Variants in SAMD12 observed in about 807,000 individuals in gnomAD.
SAMD12 encodes the protein sterile alpha motif domain containing 12, also known as sterile alpha motif domain-containing protein 12.
A neutral mutation model predicts 15.0 loss-of-function variants in SAMD12; 9 were observed. That is an observed-to-expected ratio of 0.60 (90% CI 0.36 to 1.05). SAMD12 has a LOEUF of 1.05. Ranked by LOEUF, SAMD12 falls within the 50% of genes least tolerant of loss-of-function variation. The pLI, the probability that SAMD12 is intolerant of heterozygous loss-of-function variation, is 0.01. For synonymous variants in SAMD12, 86 were observed against 90.1 expected (o/e 0.96, Z 0.25); for missense variants, 230 against 234.2 (o/e 0.98, Z 0.12).
chr8:118,258,109 G>A (rs1812995600), intron 4 of SAMD12, among the ~76,000 whole-genome samples: 1 of 152,104 alleles, frequency 6.6e-6, no homozygotes, highest in African/African-American at 2.4e-5. Context: ...CCTTTGAAAG[G>A]CACAAGCATT....
intron 4 of SAMD12, among the ~76,000 whole-genome samples, chr8:118,198,178 C>A (rs1156493442): frequency 6.6e-6 from 1 of 151,946 alleles, no homozygotes; most frequent in Non-Finnish European, 1.5e-5. Flanking sequence ...GGGATGCAAT[C>A]TAGAAAAAAA....
intron 4 of SAMD12, among the ~76,000 whole-genome samples, chr8:118,344,242 A>T (rs1019160369): frequency 6.6e-6 from 1 of 152,154 alleles, no homozygotes; most frequent in South Asian, 2.1e-4. Context: ...GAAGGTTGAC[A>T]GTACAATGCT....
intron 4 of SAMD12, among the ~76,000 whole-genome samples, chr8:118,212,096 C>G (rs77701733): frequency 0.24 from 29,569 of 121,750 alleles, 3,002 homozygotes; most frequent in Non-Finnish European, 0.28. Context: ...GTGTGAACTA[C>G]TATATTTCAT....
intron 4 of SAMD12, among the ~76,000 whole-genome samples, chr8:118,236,168 C>T (rs1812425323): frequency 6.6e-6 from 1 of 152,140 alleles, no homozygotes; most frequent in African/African-American, 2.4e-5. Context: ...CTACAAATGC[C>T]ACACTGCAAC....
intron 4 of SAMD12, among the ~76,000 whole-genome samples, chr8:118,269,327 A>G (rs188277631): frequency 2.3e-4 from 35 of 151,284 alleles, no homozygotes; most frequent in African/African-American, 4.1e-4. Context: ...ATGTTTTAGA[A>G]ATCAATATCA....
At chr8:118,562,220 T>C (rs1414510836) in intron 2 of SAMD12, among the ~76,000 whole-genome samples, 4 of 152,280 alleles carry the variant, frequency 2.6e-5, no homozygotes, top group South Asian at 4.1e-4. Flanking sequence ...GTTAACATAA[T>C]TGTAGCACAT....
chr8:118,146,359 G>A, the SAMD12 span, among the ~76,000 whole-genome samples: 1 of 152,196 alleles, frequency 6.6e-6, no homozygotes, highest in East Asian at 1.9e-4. Flanking sequence ...AAGTACATGG[G>A]GGTAAAGAAC....
intron 2 of SAMD12, among the ~76,000 whole-genome samples, chr8:118,464,588 G>A (rs532876238): frequency 6.6e-6 from 1 of 152,264 alleles, no homozygotes; most frequent in East Asian, 1.9e-4. Context: ...AGTCAAGAAG[G>A]TAAAGAGAAA....
At chr8:118,176,249 C>T in the SAMD12 span, among the ~76,000 whole-genome samples, 1 of 151,814 alleles carries the variant, frequency 6.6e-6, no homozygotes, top group Non-Finnish European at 1.5e-5. Context: ...TGCAGTGAGC[C>T]GAGATCGTGC....
At chr8:118,349,051 G>A (rs1017785268) in intron 4 of SAMD12, among the ~76,000 whole-genome samples, 12 of 152,128 alleles carry the variant, frequency 7.9e-5, no homozygotes, top group Admixed American at 6.5e-5. Flanking sequence ...ATTAAACCTG[G>A]CAATTTTATC....
chr8:118,228,632 A>C (rs1586364117), intron 4 of SAMD12, among the ~76,000 whole-genome samples: 1 of 151,732 alleles, frequency 6.6e-6, no homozygotes, highest in East Asian at 1.9e-4. Context: ...AAAAATCAAA[A>C]AACAGTAGAT....
chr8:118,378,516 T>C lies in SAMD12; in HGVS notation c.*901A>G. The C allele has an allele frequency of 2.0e-6, 2 of 984,416 alleles. No homozygotes were observed. Among genetic ancestry groups the C allele is most frequent in the Non-Finnish European group, 2.4e-6 (2 of 829,012 alleles). 61.0% of individuals were successfully genotyped at this position (984,416 alleles called of 1,614,324 possible). ...TATATTTATCCTTCTAGAATAGTCATCTTTCAGGGAGCACATTATTTCCTC... is the reference window on the plus strand; with the variant it reads ...TATATTTATCCTTCTAGAATAGTCACCTTTCAGGGAGCACATTATTTCCTC... On this transcript the variant is annotated 3_prime_UTR_variant, in exon 4 of 4. Transcript: ENST00000314727.
intron 2 of SAMD12, among the ~76,000 whole-genome samples, chr8:118,450,019 C>A (rs1409671089): frequency 1.3e-5 from 2 of 152,196 alleles, no homozygotes; most frequent in East Asian, 3.9e-4. Context: ...CCTCTATTTC[C>A]AGGGACAGTC....
the SAMD12 span, among the ~76,000 whole-genome samples, chr8:118,182,596 A>C: frequency 6.6e-6 from 1 of 152,198 alleles, no homozygotes; most frequent in Non-Finnish European, 1.5e-5. Context: ...CGTGGAAATA[A>C]ATGAGTTATG....
chr8:118,362,828 A>T (rs1818572565), intron 4 of SAMD12, among the ~76,000 whole-genome samples: 1 of 152,236 alleles, frequency 6.6e-6, no homozygotes, highest in Non-Finnish European at 1.5e-5. Flanking sequence ...CAAGATTAAG[A>T]TTACTCAAGA....
the SAMD12 span, among the ~76,000 whole-genome samples, chr8:118,183,834 T>C: frequency 6.7e-6 from 1 of 149,190 alleles, no homozygotes; most frequent in Non-Finnish European, 1.5e-5. Flanking sequence ...TCTCCCACCC[T>C]CCCGCCTTCT....
chr8:118,208,375 CAA>C (rs1337677954), intron 4 of SAMD12, among the ~76,000 whole-genome samples: 6 of 152,238 alleles, frequency 3.9e-5, no homozygotes, highest in Non-Finnish European at 8.8e-5. Context: ...CAGTGCTTCT[CAA>C]ATTTTAAGAT....
chr8:118,595,294 G>T (rs1482066776), intron 1 of SAMD12, among the ~76,000 whole-genome samples: 1 of 152,102 alleles, frequency 6.6e-6, no homozygotes, highest in South Asian at 2.1e-4. Flanking sequence ...ATCAGACAAT[G>T]CTTCTAAAAT....
intron 1 of SAMD12, among the ~76,000 whole-genome samples, chr8:118,603,282 T>C (rs965603587): frequency 2.6e-5 from 4 of 152,050 alleles, no homozygotes; most frequent in Non-Finnish European, 5.9e-5. Flanking sequence ...CACCACAAAA[T>C]ACACAACACA....
Sources: allele counts gnomAD v4.1 joint callset (sites outside exome capture counted in the v4.1 genomes callset), GRCh38; gene constraint gnomAD v4.1.1; transcripts MANE v1.5; gene names NCBI Gene and HGNC (gene_info 2026-07-23, HGNC 2026-07-21).